The following SPOCK3 variants were observed in gnomAD, a reference collection of about 807,000 sequenced individuals.
SPOCK3 encodes the protein SPARC (osteonectin), cwcv and kazal like domains proteoglycan 3, also known as testican-3.
A neutral mutation model predicts 56.6 loss-of-function variants in SPOCK3; 30 were observed. The ratio of observed to expected loss-of-function variants is 0.53; its 90% CI spans 0.40 to 0.72. The LOEUF is 0.72. Among genes scored for constraint, SPOCK3 ranks in the 30% least tolerant of loss-of-function variants. The probability of loss-of-function intolerance (pLI) is 0.00; values close to 1 mark genes in which losing one functional copy is unlikely to be tolerated. For missense variants in SPOCK3, 527 were observed against 530.0 expected (o/e 0.99, Z 0.06); for synonymous variants, 196 against 183.3 (o/e 1.07, Z -0.56).
In SPOCK3 at chr4:167,011,943, T is replaced by C. The variant is rs1307173170; in HGVS notation, c.236-11480A>G. Among the ~76,000 whole-genome samples, 9 of 152,044 alleles carry C rather than the reference T, an allele frequency of 5.9e-5. No individual in the cohort carries two copies. In the East Asian group the frequency reaches 1.5e-3, roughly 26 times the overall value. On this transcript the variant is annotated intron_variant, in intron 3 of 10. Transcript: ENST00000357545. ...ATTGTTTTATTTTATATCTTTTTAA[T>C]ATTTTTGTGTGTGATTCAAATAAAA...
At chr4:166,991,017 G>C (rs1747724737) in intron 4 of SPOCK3, among the ~76,000 whole-genome samples, 1 of 152,076 alleles carries the variant, frequency 6.6e-6, no homozygotes, top group Admixed American at 6.6e-5. Flanking sequence ...AATAGTGAAA[G>C]TAAATAAATT....
At position 166,857,808 on chromosome 4, in the gene SPOCK3, T is replaced by C. The variant is rs117632888; in HGVS notation, c.589+31322A>G. Among the ~76,000 whole-genome samples, 31 of 152,322 alleles carry C rather than the reference T, an allele frequency of 2.0e-4. No individual in the cohort carries two copies. The East Asian group carries it at 5.6e-3, about 28-fold the overall frequency. Reference sequence around the variant, plus strand: ...CAGGCTAACCACAGTCCTTCAGGGATTTGTTTGTACATGGTTAGGCTTTTA... The same window carrying C: ...CAGGCTAACCACAGTCCTTCAGGGACTTGTTTGTACATGGTTAGGCTTTTA... On this transcript the variant is annotated intron_variant, in intron 6 of 10. Coordinates refer to ENST00000357545, the MANE Select transcript of SPOCK3 (RefSeq NM_001040159.2).
intron 5 of SPOCK3, among the ~76,000 whole-genome samples, chr4:166,900,346 AT>A (rs1735903924): frequency 6.6e-6 from 1 of 152,074 alleles, no homozygotes; most frequent in African/African-American, 2.4e-5. Context: ...GGGCATTGGG[AT>A]TGGCTCTTAA....
intron 4 of SPOCK3, among the ~76,000 whole-genome samples, chr4:166,964,604 A>G (rs1040947400): frequency 2.6e-5 from 4 of 151,698 alleles, no homozygotes; most frequent in African/African-American, 9.7e-5. Flanking sequence ...ACATCTAAAT[A>G]TACGTATGTA....
intron 6 of SPOCK3, among the ~76,000 whole-genome samples, chr4:166,842,097 G>C (rs1747451880): frequency 6.6e-6 from 1 of 152,148 alleles, no homozygotes; most frequent in Admixed American, 6.5e-5. Context: ...TGGTCTCCCT[G>C]GCCTTAGGAG....
chr4:166,947,611 C>T (rs1286527713), intron 4 of SPOCK3, among the ~76,000 whole-genome samples: 2 of 152,040 alleles, frequency 1.3e-5, no homozygotes, highest in East Asian at 1.9e-4. Flanking sequence ...AAAAACGTAA[C>T]AGTTTTTCCT....
intron 5 of SPOCK3, among the ~76,000 whole-genome samples, chr4:166,903,290 A>T (rs1246611376): frequency 6.6e-6 from 1 of 151,900 alleles, no homozygotes; most frequent in Non-Finnish European, 1.5e-5. Flanking sequence ...TGAGGCTTCC[A>T]AGTCTTGGTG....
chr4:166,894,492 T>C (rs1317651216), intron 5 of SPOCK3, among the ~76,000 whole-genome samples: 1 of 152,154 alleles, frequency 6.6e-6, no homozygotes, highest in Non-Finnish European at 1.5e-5. Context: ...GATATACAAG[T>C]TAATTTTTCA....
intron 5 of SPOCK3, among the ~76,000 whole-genome samples, chr4:166,900,515 A>G (rs1416188870): frequency 6.6e-6 from 1 of 152,172 alleles, no homozygotes; most frequent in Non-Finnish European, 1.5e-5. Context: ...CAAGGAGGCT[A>G]TATATACCTA....
In SPOCK3 at chr4:167,155,644, T is replaced by C. The variant is rs1475135694; in HGVS notation, c.189+78341A>G. 1.3e-5 allele frequency among the ~76,000 whole-genome samples: 2 copies of C among 152,128 alleles called. 1 individual carries two copies. Among genetic ancestry groups the C allele is most frequent in the Non-Finnish European group, 2.9e-5 (2 of 68,030 alleles). ...AAACTTTCACAGAATAAATTTGAAA[T>C]CACTGGGCAGAGAGTATTAAATGTG... is the stretch of plus-strand genomic sequence containing the variant. On this transcript the variant is annotated intron_variant, in intron 2 of 10. Transcript: ENST00000357545.
rs781678197 is a variant in SPOCK3, at chr4:167,036,475, CAA to C, written c.235+26015_235+26016del. 2.0e-5 allele frequency among the ~76,000 whole-genome samples: 3 copies of C among 152,096 alleles called. No individual in the cohort carries two copies. In the South Asian group the frequency reaches 6.2e-4, roughly 32 times the overall value. Reference sequence around the variant, plus strand: ...GTAAGCCGGGTGCAGAAGAAATACACAAAAAAACAATTTTTAAATATTCTTGC... The same window carrying C: ...GTAAGCCGGGTGCAGAAGAAATACACAAAAACAATTTTTAAATATTCTTGC... On this transcript the variant is annotated intron_variant, in intron 3 of 10. Transcript: ENST00000357545.
At chr4:167,082,205 A>G (rs1757770171) in intron 2 of SPOCK3, among the ~76,000 whole-genome samples, 1 of 152,124 alleles carries the variant, frequency 6.6e-6, no homozygotes, top group African/African-American at 2.4e-5. Context: ...AGGAATCAAT[A>G]TTCATGTCAT....
At chr4:167,088,067 A>T (rs906896863) in intron 2 of SPOCK3, among the ~76,000 whole-genome samples, 4 of 152,182 alleles carry the variant, frequency 2.6e-5, no homozygotes, top group African/African-American at 9.7e-5. Flanking sequence ...AAAATCTTAG[A>T]AGCAAAAGTA....
chr4:167,046,450 C>CTTTTTTTTTTTTTT (rs67108499), intron 3 of SPOCK3, among the ~76,000 whole-genome samples: 3 of 53,704 alleles, frequency 5.6e-5, no homozygotes, highest in Non-Finnish European at 1.0e-4. Context: ...TTCTGATATT[C>CTTTTTTTTTTTTTT]TTTTTTTTTT....
intron 2 of SPOCK3, among the ~76,000 whole-genome samples, chr4:167,198,298 G>A (rs1168042662): frequency 6.6e-5 from 10 of 152,130 alleles, no homozygotes; most frequent in Non-Finnish European, 1.3e-4. Context: ...AACCCCCAAA[G>A]CCAGACTAGA....
chr4:167,019,594 A>C (rs1054725956), intron 3 of SPOCK3, among the ~76,000 whole-genome samples: 3 of 151,890 alleles, frequency 2.0e-5, no homozygotes, highest in African/African-American at 7.2e-5. Flanking sequence ...ATTTGCATTT[A>C]GTTTTTTATC....
intron 6 of SPOCK3, among the ~76,000 whole-genome samples, chr4:166,851,120 T>A (rs946289507): frequency 5.3e-5 from 8 of 151,738 alleles, no homozygotes; most frequent in Admixed American, 5.2e-4. Flanking sequence ...GCTGGAGATC[T>A]GAGAACTGGC....
intron 4 of SPOCK3, among the ~76,000 whole-genome samples, chr4:166,983,748 A>T (rs1178169569): frequency 6.6e-6 from 1 of 152,088 alleles, no homozygotes; most frequent in Non-Finnish European, 1.5e-5. Flanking sequence ...AGAGCCCCTG[A>T]AAAATGTATA....
At chr4:166,794,210 C>CAAAAAAAA (rs10710162) in intron 6 of SPOCK3, among the ~76,000 whole-genome samples, 7 of 73,624 alleles carry the variant, frequency 9.5e-5, no homozygotes, top group East Asian at 4.3e-4. Flanking sequence ...GGTGATAAGG[C>CAAAAAAAA]AAAAAAAAAA....
Sources: gnomAD v4.1 joint callset for allele counts (sites outside exome capture counted in the v4.1 genomes callset) on GRCh38, gnomAD v4.1.1 for gene constraint, MANE v1.5 for transcripts, NCBI Gene and HGNC (gene_info 2026-07-23, HGNC 2026-07-21) for gene names.